FOXP2: variants seen among roughly 807,000 people sequenced by gnomAD.
FOXP2 encodes the protein forkhead box protein P2.
A neutral mutation model predicts 115.8 loss-of-function variants in FOXP2; 12 were observed. The ratio of observed to expected loss-of-function variants is 0.10; its 90% CI spans 0.07 to 0.17. The LOEUF (loss-of-function observed/expected upper bound fraction) is 0.17. Ranked by LOEUF, FOXP2 falls within the 10% of genes least tolerant of loss-of-function variation. FOXP2 has a pLI of 1.00. For synonymous variants in FOXP2, 328 were observed against 297.7 expected (o/e 1.10, Z -1.05); for missense variants, 629 against 843.5 (o/e 0.75, Z 3.15).
upstream of FOXP2, among the ~76,000 whole-genome samples, chr7:114,161,449 C>T (rs1792828083): frequency 6.6e-6 from 1 of 151,818 alleles, no homozygotes; most frequent in African/African-American, 2.4e-5. Context: ...AAGAGGTGCC[C>T]TTTTGCCCAC....
chr7:114,385,492 C>G (rs1170755011), intron 2 of FOXP2, among the ~76,000 whole-genome samples: 1 of 152,208 alleles, frequency 6.6e-6, no homozygotes, highest in East Asian at 1.9e-4. Context: ...GGGACAACAG[C>G]TTTCTGCCTC....
intron 1 of FOXP2, among the ~76,000 whole-genome samples, chr7:114,136,399 T>C (rs1430619146): frequency 6.6e-6 from 1 of 152,070 alleles, no homozygotes; most frequent in Non-Finnish European, 1.5e-5. Context: ...ATTAATTTGA[T>C]TTTCAGAATT....
rs541177923 is a variant in FOXP2 at position 114,474,286 on chromosome 7, A to G, written c.168+47607A>G. On this transcript the variant is annotated intron_variant, in intron 2 of 16. Coordinates refer to ENST00000350908, the MANE Select transcript of FOXP2 (RefSeq NM_014491.4). ...CAGGAGTTTTAGCATTACTTATGAA[A>G]TACTCAAATCGGCACTATTTTGTCT... Among the ~76,000 whole-genome samples the G allele has an allele frequency of 7.8e-4, 119 of 152,340 alleles. 3 individuals carry two copies. The South Asian group carries it at 0.024, about 31-fold the overall frequency.
chr7:114,463,857 A>C (rs1284416519), intron 2 of FOXP2, among the ~76,000 whole-genome samples: 1 of 152,204 alleles, frequency 6.6e-6, no homozygotes, highest in South Asian at 2.1e-4. Flanking sequence ...TATTCAGAGT[A>C]AGAAGAAAGA....
At chr7:114,458,781 A>C (rs899639859) in intron 2 of FOXP2, among the ~76,000 whole-genome samples, 6 of 151,900 alleles carry the variant, frequency 3.9e-5, no homozygotes, top group African/African-American at 1.2e-4. Flanking sequence ...GATGCTTCCA[A>C]ATTGCTTGAC....
At chr7:114,553,758 T>G (rs922288959) in intron 3 of FOXP2, among the ~76,000 whole-genome samples, 25 of 152,208 alleles carry the variant, frequency 1.6e-4, no homozygotes, top group African/African-American at 5.8e-4. Context: ...AAGATGAAAG[T>G]AAAGTTCTGT....
intron 14 of FOXP2, 51 bp from the exon 15 acceptor site, chr7:114,663,399 C>A: frequency 1.5e-6 from 2 of 1,296,338 alleles, no homozygotes; most frequent in Non-Finnish European, 2.2e-6. Context: ...TATTGATATC[C>A]ACGTTTTATA....
intron 2 of FOXP2, among the ~76,000 whole-genome samples, chr7:114,507,160 C>G (rs934964207): frequency 6.6e-5 from 10 of 151,702 alleles, no homozygotes; most frequent in Admixed American, 2.0e-4. Context: ...CCCCTACCCC[C>G]CCCAAATAAA....
intron 2 of FOXP2, among the ~76,000 whole-genome samples, chr7:114,319,866 G>A (rs1008895082): frequency 6.6e-6 from 1 of 152,166 alleles, no homozygotes; most frequent in Non-Finnish European, 1.5e-5. Context: ...TCATGTAGAT[G>A]AGTCCAATTT....
At chr7:114,535,355 T>G (rs1353626822) in intron 3 of FOXP2, among the ~76,000 whole-genome samples, 1 of 151,586 alleles carries the variant, frequency 6.6e-6, no homozygotes, top group African/African-American at 2.4e-5. Context: ...GGGAAACATT[T>G]TTAAGGTATA....
At chr7:114,512,515 A>C (rs369678972) in intron 2 of FOXP2, among the ~76,000 whole-genome samples, 1 of 152,142 alleles carries the variant, frequency 6.6e-6, no homozygotes. Flanking sequence ...AACAGTTCTC[A>C]TGGAAGCACA....
chr7:114,234,140 G>A (rs1415005101), intron 1 of FOXP2, among the ~76,000 whole-genome samples: 1 of 152,048 alleles, frequency 6.6e-6, no homozygotes, highest in African/African-American at 2.4e-5. Flanking sequence ...TTATACCCTG[G>A]AAATACCTCA....
At chr7:114,558,218 T>A (rs1161090948) in intron 3 of FOXP2, among the ~76,000 whole-genome samples, 4 of 152,096 alleles carry the variant, frequency 2.6e-5, no homozygotes, top group Middle Eastern at 6.8e-3. Flanking sequence ...AAAGAGGAGG[T>A]AGAGTTTATA....
chr7:114,359,393 G>C (rs940354111), intron 2 of FOXP2, among the ~76,000 whole-genome samples: 4 of 152,214 alleles, frequency 2.6e-5, no homozygotes, highest in African/African-American at 9.7e-5. Flanking sequence ...GGAAATGTGG[G>C]GTGGGAGCCC....
At chr7:114,374,433 A>G (rs11769283) in intron 2 of FOXP2, among the ~76,000 whole-genome samples, 8,651 of 152,278 alleles carry the variant, frequency 0.057, 310 homozygotes, top group Middle Eastern at 0.14. Context: ...TTCCTTAAAC[A>G]AATCAAAAAA....
intron 1 of FOXP2, among the ~76,000 whole-genome samples, chr7:114,241,722 T>TA (rs1012319679): frequency 1.2e-4 from 17 of 142,062 alleles, no homozygotes; most frequent in Non-Finnish European, 2.0e-4. Context: ...AAATAAAACG[T>TA]AAAAAAAAGA....
chr7:114,659,583 G>A lies in FOXP2; in HGVS notation c.1557G>A (p.Glu519=). 1 of 1,613,542 alleles carries A rather than the reference G, an allele frequency of 6.2e-7. No individual in the cohort carries two copies. Among genetic ancestry groups the A allele is most frequent in the Non-Finnish European group, 8.5e-7 (1 of 1,179,614 alleles). The stretch of plus-strand genomic sequence containing the variant: ...TTGTCTCATTTCAGGCTATCATGGA[G>A]TCATCTGACAGGCAGTTAACACTTA... The part of the protein sequence containing the change: ...YATLIRQAIM[E]SSDRQLTLNE... Residue 519 remains glutamate (E), a synonymous_variant, in exon 13 of 17, where the codon GAG becomes GAA. Transcript: ENST00000350908.
At chr7:114,087,471 T>G (rs35017137), upstream of FOXP2, among the ~76,000 whole-genome samples, 72,509 of 151,358 alleles carry the variant, frequency 0.48, 18,242 homozygotes, top group African/African-American at 0.63. Context: ...CGGCACTTGG[T>G]GAGGGGACGT....
intron 3 of FOXP2, among the ~76,000 whole-genome samples, chr7:114,556,722 A>G (rs1800475020): frequency 6.6e-6 from 1 of 152,226 alleles, no homozygotes; most frequent in African/African-American, 2.4e-5. Flanking sequence ...TGAAAGCATA[A>G]TACCCTATAT....
Sources: allele counts gnomAD v4.1 joint callset (sites outside exome capture counted in the v4.1 genomes callset), GRCh38; gene constraint gnomAD v4.1.1; transcripts MANE v1.5; gene names NCBI Gene and HGNC (gene_info 2026-07-23, HGNC 2026-07-21).